KIAA1549: variants seen among roughly 807,000 people sequenced by gnomAD.
KIAA1549 encodes UPF0606 protein KIAA1549.
Under a neutral mutation model 156.4 loss-of-function variants are expected in KIAA1549, and 70 were observed. The ratio of observed to expected loss-of-function variants is 0.45; its 90% CI spans 0.37 to 0.55. KIAA1549 has a LOEUF of 0.55. Among genes scored for constraint, KIAA1549 ranks in the 20% least tolerant of loss-of-function variants. KIAA1549 has a pLI of 0.00. For missense variants in KIAA1549, 2,428 were observed against 2,540.9 expected (o/e 0.96, Z 0.96); for synonymous variants, 1,103 against 1,066.4 (o/e 1.03, Z -0.67).
At chr7:138,964,285 G>C (rs1315516750) in intron 1 of KIAA1549, among the ~76,000 whole-genome samples, 1 of 152,182 alleles carries the variant, frequency 6.6e-6, no homozygotes, top group East Asian at 1.9e-4. Context: ...TTCAGTGGGA[G>C]AGACCACAGA....
At chr7:138,929,674 ATTTCT>A (rs1381826123) in intron 1 of KIAA1549, among the ~76,000 whole-genome samples, 7 of 152,008 alleles carry the variant, frequency 4.6e-5, no homozygotes, top group Non-Finnish European at 8.8e-5. Flanking sequence ...TATGAAATAT[ATTTCT>A]TTTATCTTTT....
Position 138,918,050 on chromosome 7 carries a change from C to G in KIAA1549, c.1576G>C (p.Gly526Arg). 1 of 1,612,296 alleles carries G rather than the reference C, an allele frequency of 6.2e-7. No individual in the cohort carries two copies. The highest frequency in any genetic ancestry group is 8.5e-7 in the Non-Finnish European group (1 of 1,179,210). Residue 526 changes from glycine to arginine, a missense_variant, in exon 2 of 20, where the codon GGC becomes CGC. This residue lies in a region of KIAA1549 where 893 missense variants were observed against 847.9 expected (regional missense o/e 1.05). Transcript: ENST00000422774. This position sits in a 1 kb window ranked among gnomAD's most constrained non-coding sequence, Gnocchi z 4.2. ...VTTTQVPPAH[G>R]RLSVPASLDP... ...AGTGACGCCGGCACAGAGAGGCGGC[C>G]GTGGGCAGGGGGAACCTGTGTGGTT...
rs1035970849 is a variant in KIAA1549 at position 138,964,100 on chromosome 7, C to T, written c.187+16983G>A. On this transcript the variant is annotated intron_variant, in intron 1 of 19. Transcript: ENST00000422774. Reference sequence around the variant, plus strand: ...GTAGGTTTTGAAAGCCTGCTTCATTCATTTCTCTTAACCTACGTTTGGTGA... The same window carrying T: ...GTAGGTTTTGAAAGCCTGCTTCATTTATTTCTCTTAACCTACGTTTGGTGA... Among the ~76,000 whole-genome samples the T allele has an allele frequency of 4.5e-4, 69 of 152,220 alleles. 1 individual carries two copies. Among genetic ancestry groups the T allele is most frequent in the Non-Finnish European group, 1.2e-4 (8 of 68,038 alleles).
At chr7:138,842,933 G>A (rs908006560) in intron 18 of KIAA1549, among the ~76,000 whole-genome samples, 5 of 152,064 alleles carry the variant, frequency 3.3e-5, no homozygotes, top group African/African-American at 1.2e-4. Flanking sequence ...AAATATCTTG[G>A]CACGTCATTT....
intron 1 of KIAA1549, among the ~76,000 whole-genome samples, chr7:138,921,063 T>C (rs4446685): frequency 0.49 from 74,653 of 152,038 alleles, 21,304 homozygotes; most frequent in African/African-American, 0.8. Context: ...AGCTGGCCTG[T>C]TGTTTAGGCC....
At chr7:138,924,946 C>T (rs906305009) in intron 1 of KIAA1549, among the ~76,000 whole-genome samples, 2 of 152,162 alleles carry the variant, frequency 1.3e-5, no homozygotes, top group Admixed American at 1.3e-4. Flanking sequence ...GCCTGAATGA[C>T]GCTGGACCCC....
intron 17 of KIAA1549, among the ~76,000 whole-genome samples, chr7:138,850,262 C>T (rs1001812792): frequency 6.6e-6 from 1 of 152,138 alleles, no homozygotes; most frequent in African/African-American, 2.4e-5. Context: ...GTTTTTATGT[C>T]TTTGAGGAAT....
chr7:138,838,261 A>G (rs1416868833), intron 19 of KIAA1549, 101 bp from the exon 20 acceptor site: 1 of 1,247,992 alleles, frequency 8.0e-7, no homozygotes, highest in African/African-American at 1.5e-5. Context: ...GCCCACGTCC[A>G]TCCACCAACT....
At chr7:138,840,389 A>G in intron 18 of KIAA1549, 111 bp from the exon 19 acceptor site, 1 of 918,316 alleles carries the variant, frequency 1.1e-6, no homozygotes, top group Non-Finnish European at 1.6e-6. Context: ...CTCCTTAATG[A>G]CAAGGGATCA....
At chr7:138,911,397 A>G (rs1563073838) in intron 3 of KIAA1549, 74 bp from the exon 4 acceptor site, 1 of 1,101,016 alleles carries the variant, frequency 9.1e-7, no homozygotes, top group South Asian at 1.6e-5. Context: ...AAAAAATTAT[A>G]AACTAAAAAA....
chr7:138,839,893 T>C (rs925030936), intron 19 of KIAA1549, among the ~76,000 whole-genome samples: 1 of 148,716 alleles, frequency 6.7e-6, no homozygotes, highest in Admixed American at 6.9e-5. Context: ...GTTCAAGTGA[T>C]TCTCTTGCCT....
chr7:138,903,406 G>A (rs1811898349), intron 8 of KIAA1549, among the ~76,000 whole-genome samples, 182 bp downstream of exon 8: 1 of 152,200 alleles, frequency 6.6e-6, no homozygotes, highest in Non-Finnish European at 1.5e-5. Context: ...CTAGACTCCA[G>A]TTGAACTGAA....
chr7:138,909,163 G>A, intron 4 of KIAA1549, 42 bp from the exon 5 acceptor site: 1 of 1,583,458 alleles, frequency 6.3e-7, no homozygotes, highest in Non-Finnish European at 8.6e-7. Context: ...TGAGGTGTTT[G>A]TGCTTCTGAA....
At chr7:138,838,381 G>C (rs1244182271) in intron 19 of KIAA1549, among the ~76,000 whole-genome samples, 1 of 152,136 alleles carries the variant, frequency 6.6e-6, no homozygotes, top group African/African-American at 2.4e-5. Context: ...GATGTGAAAG[G>C]TCGGGTGATA....
At position 138,834,206 on chromosome 7, in the gene KIAA1549, T is replaced by C. The variant is rs533161861; in HGVS notation, c.*3700A>G. ...ACACAGTCTTGCTCTGTCGCCCAGGTTGGAGTACAGTGGTGCAATCTCAGC... is the reference window on the plus strand; with the variant it reads ...ACACAGTCTTGCTCTGTCGCCCAGGCTGGAGTACAGTGGTGCAATCTCAGC... On this transcript the variant is annotated 3_prime_UTR_variant, in exon 20 of 20. Coordinates refer to ENST00000422774, the MANE Select transcript of KIAA1549 (RefSeq NM_001164665.2). 1.8e-4 allele frequency: 35 copies of C among 192,182 alleles called. No homozygotes were observed. The highest frequency in any genetic ancestry group is 3.5e-4 in the Non-Finnish European group (32 of 91,824). 11.9% of individuals were successfully genotyped at this position (192,182 alleles called of 1,614,324 possible). A position where few individuals can be genotyped will look rare whatever the true frequency, so the allele number is the denominator to read the frequency against.
Position 138,947,251 on chromosome 7 carries a change from T to C in KIAA1549, c.188-27813A>G, listed in dbSNP as rs1191528115. Among the ~76,000 whole-genome samples, 3 of 152,256 alleles carry C rather than the reference T, an allele frequency of 2.0e-5. No individual in the cohort carries two copies. The South Asian group carries it at 6.2e-4, about 31-fold the overall frequency. On this transcript the variant is annotated intron_variant, in intron 1 of 19. Coordinates refer to ENST00000422774, the MANE Select transcript of KIAA1549 (RefSeq NM_001164665.2). The stretch of plus-strand genomic sequence containing the variant: ...CAAGTTAACTTACTAGCATCCATGA[T>C]GGCTTCTACGTACTGAATGCCTACT...
At chr7:138,979,194 AAAT>A (rs1297867428) in intron 1 of KIAA1549, among the ~76,000 whole-genome samples, 5 of 152,196 alleles carry the variant, frequency 3.3e-5, no homozygotes, top group Admixed American at 6.5e-5. Flanking sequence ...TCTAGAATGG[AAAT>A]ATTATTAATT....
rs377091820 is a variant in KIAA1549, at chr7:138,861,386, G to T, written c.5000C>A (p.Pro1667His). 24 of 1,611,644 alleles carry T rather than the reference G, an allele frequency of 1.5e-5. No individual in the cohort carries two copies. In the African/African-American group the frequency reaches 1.6e-4, roughly 11 times the overall value. Residue 1667 changes from proline (P) to histidine (H), a missense_variant, in exon 16 of 20, where the codon CCC becomes CAC. By Grantham distance (77) the Pro-to-His change is moderately conservative. Transcript: ENST00000422774. Reference sequence around the variant, plus strand: ...TGGGATGTACTGGGAGGCCGGGAAGGGAAGGGCTGGATACCTCCCCAGTTC... The same window carrying T: ...TGGGATGTACTGGGAGGCCGGGAAGTGAAGGGCTGGATACCTCCCCAGTTC... ...SVELGRYPALPFPASQYIPPQ... is the reference protein window; with the variant it reads ...SVELGRYPALHFPASQYIPPQ...
At chr7:138,927,240 T>A (rs1304121125) in intron 1 of KIAA1549, among the ~76,000 whole-genome samples, 2 of 152,244 alleles carry the variant, frequency 1.3e-5, no homozygotes, top group Non-Finnish European at 2.9e-5. Flanking sequence ...CTGCCAATGT[T>A]TGTTATTACA....
Sources: allele counts gnomAD v4.1 joint callset (sites outside exome capture counted in the v4.1 genomes callset), GRCh38; gene constraint gnomAD v4.1.1; regional missense constraint gnomAD v4.1.1; non-coding constraint Gnocchi (gnomAD v3.1); transcripts MANE v1.5; gene names NCBI Gene and HGNC (gene_info 2026-07-23, HGNC 2026-07-21).